MID1: variants seen among roughly 807,000 people sequenced by gnomAD.
MID1 encodes the protein midline 1.
Under a neutral mutation model 40.4 loss-of-function variants are expected in MID1, and 7 were observed. The ratio of observed to expected loss-of-function variants is 0.17; its 90% confidence interval spans 0.10 to 0.33. MID1 has a LOEUF of 0.33. Among genes scored for constraint, MID1 ranks in the 10% least tolerant of loss-of-function variants. The probability of loss-of-function intolerance (pLI) is 1.00; values close to 1 mark genes in which losing one functional copy is unlikely to be tolerated. For synonymous variants in MID1, 229 were observed against 221.2 expected, an observed-to-expected ratio of 1.04 and a Z score of -0.31; for missense variants, 367 against 558.5, an observed-to-expected ratio of 0.66 and a Z score of 3.46.
At chrX:10,613,720 T>G (rs966844324) in intron 1 of MID1, among the ~76,000 whole-genome samples, 4 of 56,034 alleles carry the variant, frequency 7.1e-5, no homozygotes, top group Non-Finnish European at 1.2e-4. Flanking sequence ...TATATATATA[T>G]ATATATATAT....
At chrX:10,497,947 G>T (rs1931344423) in intron 3 of MID1, among the ~76,000 whole-genome samples, 1 of 112,320 alleles carries the variant, frequency 8.9e-6, no homozygotes, top group Non-Finnish European at 1.9e-5. Flanking sequence ...TAGGGAAAAT[G>T]ACCTTCCAAG....
At chrX:10,605,896 C>A (rs1333379598) in intron 1 of MID1, among the ~76,000 whole-genome samples, 1 of 111,025 alleles carries the variant, frequency 9.0e-6, no homozygotes, top group Non-Finnish European at 1.9e-5. Context: ...AATAGTGATA[C>A]CTCCGGTCAC....
intron 1 of MID1, among the ~76,000 whole-genome samples, chrX:10,681,427 C>T (rs1197700295): frequency 8.9e-6 from 1 of 112,013 alleles, no homozygotes; most frequent in Non-Finnish European, 1.9e-5. Context: ...TCGCTCATTG[C>T]GTGGCTGACA....
At chrX:10,455,974 C>T (rs1179932442) in intron 8 of MID1, among the ~76,000 whole-genome samples, 1 of 112,179 alleles carries the variant, frequency 8.9e-6, no homozygotes, top group Non-Finnish European at 1.9e-5. Flanking sequence ...GCCTGTCATT[C>T]AACACTGCAT....
At chrX:10,600,825 A>C (rs1372101399) in intron 1 of MID1, among the ~76,000 whole-genome samples, 1 of 112,525 alleles carries the variant, frequency 8.9e-6, no homozygotes, top group African/African-American at 3.2e-5. Flanking sequence ...GAAGTGTGTC[A>C]AATGCAGATA....
intron 2 of MID1, among the ~76,000 whole-genome samples, chrX:10,552,169 G>GT (rs1409988312): frequency 1.5e-5 from 1 of 64,585 alleles, no homozygotes; most frequent in Non-Finnish European, 2.9e-5. Flanking sequence ...TGAAGGAGTG[G>GT]TAAAAAAAAA....
At chrX:10,461,094 ATATATATG>A (rs1388990455) in intron 7 of MID1, among the ~76,000 whole-genome samples, 7 of 105,617 alleles carry the variant, frequency 6.6e-5, no homozygotes, top group African/African-American at 2.5e-4. Context: ...ATATATATAT[ATATATATG>A]TATGTATGTA....
chrX:10,774,879 AT>A (rs1232954390), intron 1 of MID1, among the ~76,000 whole-genome samples: 1 of 111,639 alleles, frequency 9.0e-6, no homozygotes, highest in Admixed American at 9.6e-5. Flanking sequence ...GCTTTTTATT[AT>A]ATCTAAGTCC....
intron 1 of MID1, among the ~76,000 whole-genome samples, chrX:10,661,503 G>C (rs750232907): frequency 9.1e-6 from 1 of 109,397 alleles, no homozygotes; most frequent in African/African-American, 3.3e-5. Context: ...TAGCAGAGAC[G>C]GGGTTTCCAC....
chrX:10,659,676 A>G (rs1007640775), intron 1 of MID1, among the ~76,000 whole-genome samples: 6 of 111,587 alleles, frequency 5.4e-5, no homozygotes, highest in African/African-American at 2.0e-4. Flanking sequence ...CTATTGCTTA[A>G]AAAAGGGGGG....
chrX:10,640,032 G>A (rs182867438), intron 1 of MID1, among the ~76,000 whole-genome samples: 2 of 111,650 alleles, frequency 1.8e-5, no homozygotes. Context: ...ACATGGAGAG[G>A]AACAACAGGT....
intron 1 of MID1, among the ~76,000 whole-genome samples, chrX:10,717,867 A>C (rs991463775): frequency 9.8e-5 from 11 of 112,018 alleles, no homozygotes; most frequent in African/African-American, 3.2e-4. Context: ...CAGTGCAATC[A>C]AACTAGAACT....
At chrX:10,467,726 G>C (rs1363624618) in intron 7 of MID1, among the ~76,000 whole-genome samples, 1 of 112,058 alleles carries the variant, frequency 8.9e-6, no homozygotes, top group African/African-American at 3.2e-5. Context: ...GGCCTGGGTA[G>C]CCCTCTGCAA....
At chrX:10,805,205 T>A (rs931609066) in intron 1 of MID1, among the ~76,000 whole-genome samples, 1 of 107,884 alleles carries the variant, frequency 9.3e-6, no homozygotes, top group African/African-American at 3.4e-5. Context: ...TATCTCCTAA[T>A]GCTATCGCTC....
At chrX:10,677,221 A>T (rs769152700) in intron 1 of MID1, among the ~76,000 whole-genome samples, 6 of 112,182 alleles carry the variant, frequency 5.3e-5, no homozygotes, top group Admixed American at 4.7e-4. Flanking sequence ...TCATTTTTTT[A>T]AAAATCATGT....
chrX:10,715,068 A>G (rs1295979628), intron 1 of MID1, among the ~76,000 whole-genome samples: 6 of 112,313 alleles, frequency 5.3e-5, no homozygotes, highest in Non-Finnish European at 1.1e-4. Context: ...GGGAGGGTGG[A>G]GCCAAGATGG....
intron 4 of MID1, 148 bp downstream of exon 4, chrX:10,495,436 G>C: frequency 2.0e-6 from 1 of 489,585 alleles, no homozygotes; most frequent in Non-Finnish European, 3.5e-6. Flanking sequence ...CCAAGCAAAG[G>C]CCTTTTAACT....
At chrX:10,639,215 C>T (rs533206013) in intron 1 of MID1, among the ~76,000 whole-genome samples, 284 of 111,687 alleles carry the variant, frequency 2.5e-3, no homozygotes, top group Middle Eastern at 4.6e-3. Context: ...CAAACTTCTC[C>T]GAGCTAAAGG....
At chrX:10,509,152 G>A (rs1272673385) in intron 3 of MID1, among the ~76,000 whole-genome samples, 1 of 111,434 alleles carries the variant, frequency 9.0e-6, no homozygotes, top group Non-Finnish European at 1.9e-5. Context: ...CAAAAGGACA[G>A]TGAAGAGCAA....
Sources: gnomAD v4.1 joint callset for allele counts (sites outside exome capture counted in the v4.1 genomes callset) on GRCh38, gnomAD v4.1.1 for gene constraint, MANE v1.5 for transcripts, NCBI Gene and HGNC (gene_info 2026-07-23, HGNC 2026-07-21) for gene names.